The following IGDCC4 variants were observed in gnomAD, a reference collection of about 807,000 sequenced individuals.
The protein encoded by IGDCC4 is likely ortholog of mouse neighbor of Punc E11.
Under a neutral mutation model 116.6 loss-of-function variants are expected in IGDCC4, and 72 were observed. The observed-to-expected ratio is 0.62, with a 90% CI of 0.51 to 0.75. The LOEUF (loss-of-function observed/expected upper bound fraction) is 0.75, where lower values mean the gene tolerates loss of function less well. IGDCC4 is among the 30% of genes least tolerant of loss of function. The pLI is 0.00. For synonymous variants in IGDCC4, 709 were observed against 719.9 expected (o/e 0.98, Z 0.24); for missense variants, 1,501 against 1,662.4 (o/e 0.90, Z 1.69).
chr15:65,397,080 T>C (rs1304936953), intron 5 of IGDCC4, 91 bp from the exon 6 acceptor site: 5 of 1,449,576 alleles, frequency 3.4e-6, no homozygotes, highest in Non-Finnish European at 4.7e-6. Context: ...TGCACCCGGA[T>C]AAAGCAAACA....
intron 1 of IGDCC4, among the ~76,000 whole-genome samples, chr15:65,414,997 C>T (rs1331072138): frequency 3.3e-5 from 5 of 152,150 alleles, no homozygotes; most frequent in African/African-American, 4.8e-5. Context: ...CGGCGGGGAG[C>T]TTATTCTTTA....
At chr15:65,421,914 C>T (rs112265757) in intron 1 of IGDCC4, among the ~76,000 whole-genome samples, 3,548 of 152,184 alleles carry the variant, frequency 0.023, 61 homozygotes, top group Non-Finnish European at 0.032. Context: ...CCCTCCCCAG[C>T]CCTTTCTCCA....
chr15:65,422,673 G>A, intron 1 of IGDCC4, 120 bp downstream of exon 1: 2 of 778,810 alleles, frequency 2.6e-6, no homozygotes, highest in Non-Finnish European at 3.4e-6. Flanking sequence ...ACCTGGACGC[G>A]CAGCCCCCGC....
intron 1 of IGDCC4, among the ~76,000 whole-genome samples, chr15:65,414,795 T>C (rs117326335): frequency 6.6e-6 from 1 of 152,302 alleles, no homozygotes; most frequent in Non-Finnish European, 1.5e-5. Context: ...GCATGCGCCA[T>C]CACACCTGAC....
Position 65,392,161 on chromosome 15 carries a change from C to G in IGDCC4, c.2095G>C (p.Val699Leu). Residue 699 changes from valine to leucine, a missense_variant, in exon 11 of 20, where the codon GTG (valine) becomes CTG (leucine). Coordinates refer to ENST00000352385, the MANE Select transcript of IGDCC4 (RefSeq NM_020962.3). The part of the protein sequence containing the change: ...DVGPVRLKKK[V>L]KQYELTQLVP... ...AGCTGGGTCAGCTCATACTGCTTCA[C>G]TTTCTTCTTGAGCCGGACAGGCCCC... The G allele has an allele frequency of 3.1e-6, 5 of 1,612,690 alleles. No homozygotes were observed. Among genetic ancestry groups the G allele is most frequent in the Non-Finnish European group, 3.4e-6 (4 of 1,179,410 alleles).
chr15:65,417,045 C>A (rs748626626), intron 1 of IGDCC4, among the ~76,000 whole-genome samples: 1 of 152,164 alleles, frequency 6.6e-6, no homozygotes, highest in Non-Finnish European at 1.5e-5. Context: ...CTTTATTAAG[C>A]CAGGAACTTG....
chr15:65,391,171 A>C (rs1181700145), intron 12 of IGDCC4, among the ~76,000 whole-genome samples: 1 of 152,196 alleles, frequency 6.6e-6, no homozygotes, highest in East Asian at 1.9e-4. Flanking sequence ...CAGAGGTTGC[A>C]GTGAGCTGAG....
Position 65,400,795 on chromosome 15 carries a change from C to T in IGDCC4, c.841+11G>A. 6.3e-7 allele frequency: 1 copy of T among 1,586,336 alleles called. No individual in the cohort carries two copies. Among genetic ancestry groups the T allele is most frequent in the Non-Finnish European group, 8.6e-7 (1 of 1,164,060 alleles). Reference sequence around the variant, plus strand: ...TTCCCATGCCCTCCTTCTCCCACCCCCTCCACTCACCTTGTCGGACCCAGG... The same window carrying T: ...TTCCCATGCCCTCCTTCTCCCACCCTCTCCACTCACCTTGTCGGACCCAGG... On this transcript the variant is annotated intron_variant, in intron 5 of 19. Transcript: ENST00000352385.
chr15:65,411,488 A>C (rs529183888), intron 1 of IGDCC4, 118 bp from the exon 2 acceptor site: 9 of 789,564 alleles, frequency 1.1e-5, no homozygotes, highest in Non-Finnish European at 1.7e-5. Flanking sequence ...CTGCATCTGG[A>C]TCCTGGCTCT....
At chr15:65,387,403 C>T (rs1429244077) in intron 16 of IGDCC4, among the ~76,000 whole-genome samples, 1 of 152,174 alleles carries the variant, frequency 6.6e-6, no homozygotes, top group African/African-American at 2.4e-5. Context: ...GGCTGGAGTG[C>T]AGTGGCATGA....
intron 12 of IGDCC4, 93 bp from the exon 13 acceptor site, chr15:65,390,431 G>T: frequency 1.9e-6 from 2 of 1,040,138 alleles, no homozygotes; most frequent in South Asian, 2.7e-5. Flanking sequence ...CTGTTTCTTT[G>T]ACCCACTCCT....
intron 12 of IGDCC4, among the ~76,000 whole-genome samples, chr15:65,391,236 A>G (rs745622396): frequency 1.3e-5 from 2 of 152,004 alleles, no homozygotes; most frequent in African/African-American, 2.4e-5. Context: ...TCTCAAAAGA[A>G]AAAAAAAGAA....
chr15:65,392,977 G>A (rs1396499637), intron 10 of IGDCC4, among the ~76,000 whole-genome samples: 1 of 152,130 alleles, frequency 6.6e-6, no homozygotes, highest in Non-Finnish European at 1.5e-5. Flanking sequence ...CATGTAGACC[G>A]GTTTGGTCAG....
At chr15:65,395,370 C>T (rs568448491) in intron 7 of IGDCC4, 112 bp from the exon 8 acceptor site, 3 of 1,100,530 alleles carry the variant, frequency 2.7e-6, no homozygotes, top group East Asian at 2.5e-5. Flanking sequence ...ATAGCTAAAT[C>T]ATCCCAGATA....
intron 3 of IGDCC4, among the ~76,000 whole-genome samples, chr15:65,405,813 A>C (rs1007810813): frequency 7.9e-5 from 12 of 152,254 alleles, no homozygotes; most frequent in Admixed American, 2.0e-4. Context: ...TTATAAAATG[A>C]AAAACAATCT....
intron 1 of IGDCC4, among the ~76,000 whole-genome samples, chr15:65,418,389 C>A (rs2063162223): frequency 6.6e-6 from 1 of 152,136 alleles, no homozygotes; most frequent in Non-Finnish European, 1.5e-5. Flanking sequence ...TGCTCACTGG[C>A]CAGAGCTTTG....
intron 1 of IGDCC4, among the ~76,000 whole-genome samples, chr15:65,420,077 G>C (rs907203959): frequency 1.3e-4 from 20 of 152,082 alleles, no homozygotes; most frequent in African/African-American, 4.8e-4. Context: ...CTCCCGAGTA[G>C]CTGGGATTAC....
At chr15:65,409,736 G>T (rs1254559439) in intron 3 of IGDCC4, among the ~76,000 whole-genome samples, 1 of 152,254 alleles carries the variant, frequency 6.6e-6, no homozygotes, top group Non-Finnish European at 1.5e-5. Flanking sequence ...ATTGAGAGAG[G>T]AAGAGAAGTT....
chr15:65,416,236 C>G (rs557555922), intron 1 of IGDCC4, among the ~76,000 whole-genome samples: 1 of 136,408 alleles, frequency 7.3e-6, no homozygotes, highest in Non-Finnish European at 1.5e-5. Context: ...CTCCCGGGTT[C>G]GAGACATTCT....
Sources: allele counts gnomAD v4.1 joint callset (sites outside exome capture counted in the v4.1 genomes callset), GRCh38; gene constraint gnomAD v4.1.1; transcripts MANE v1.5; gene names NCBI Gene and HGNC (gene_info 2026-07-23, HGNC 2026-07-21).